Variants in C1orf94 observed in about 807,000 individuals in gnomAD.
The protein encoded by C1orf94 is uncharacterized protein C1orf94.
A neutral mutation model predicts 53.6 loss-of-function variants in C1orf94; 45 were observed. That is an observed-to-expected ratio of 0.84 (90% CI 0.66 to 1.08). The LOEUF is 1.08. Among genes scored for constraint, C1orf94 ranks in the 50% least tolerant of loss-of-function variants. The pLI, the probability that C1orf94 is intolerant of heterozygous loss-of-function variation, is 0.00. For missense variants in C1orf94, 762 were observed against 738.9 expected, an observed-to-expected ratio of 1.03 and a Z score of -0.36; for synonymous variants, 304 against 296.1, an observed-to-expected ratio of 1.03 and a Z score of -0.27.
rs1352695466 is a variant in C1orf94 at position 34,218,672 on chromosome 1, TCC to T, written c.1722-12_1722-11del. The T allele has an allele frequency of 1.9e-6, 3 of 1,609,634 alleles. No individual in the cohort carries two copies. The highest frequency in any genetic ancestry group is 2.5e-6 in the Non-Finnish European group (3 of 1,176,870). ...AGGAATCTCATCATGGCATCCACCC[TCC>T]CTCTCTTCCAGGTTCGGCTCGACAT... On this transcript the variant is annotated splice_polypyrimidine_tract_variant and intron_variant, in intron 6 of 6. Coordinates refer to ENST00000488417, the MANE Select transcript of C1orf94 (RefSeq NM_001134734.2).
At chr1:34,185,239 G>A (rs1438032396) in intron 1 of C1orf94, among the ~76,000 whole-genome samples, 2 of 152,048 alleles carry the variant, frequency 1.3e-5, no homozygotes, top group Non-Finnish European at 2.9e-5. Context: ...GAGTGCAGTG[G>A]CGCGATCTTG....
intron 5 of C1orf94, among the ~76,000 whole-genome samples, chr1:34,209,533 A>G (rs1642856636): frequency 2.6e-5 from 4 of 152,114 alleles, no homozygotes; most frequent in Non-Finnish European, 4.4e-5. Context: ...GCTCCTCCAC[A>G]CAAATGTGGA....
At chr1:34,183,509 G>A (rs1220217109) in intron 1 of C1orf94, among the ~76,000 whole-genome samples, 1 of 152,220 alleles carries the variant, frequency 6.6e-6, no homozygotes, top group Non-Finnish European at 1.5e-5. Flanking sequence ...TCCTCAAAGA[G>A]CTCCCAGTCT....
chr1:34,212,797 C>G (rs1325857465), intron 6 of C1orf94, among the ~76,000 whole-genome samples: 1 of 152,118 alleles, frequency 6.6e-6, no homozygotes, highest in African/African-American at 2.4e-5. Flanking sequence ...CTGTCCGCAC[C>G]CTGATCTCCT....
chr1:34,200,250 G>A lies in C1orf94; in HGVS notation c.1010-522G>A, dbSNP rs147525212. ...GTGTGACTCCTTCACTAAGCCATGT[G>A]CTCACTGAAGGCAGGAACTGTGTCC... On this transcript the variant is annotated intron_variant, in intron 2 of 6. Coordinates refer to ENST00000488417, the MANE Select transcript of C1orf94 (RefSeq NM_001134734.2). Among the ~76,000 whole-genome samples, 1,392 of 152,310 alleles carry A rather than the reference G, an allele frequency of 9.1e-3. 18 individuals are homozygous for A. The highest frequency in any genetic ancestry group is 0.027 in the South Asian group (132 of 4,828).
chr1:34,212,161 T>A, intron 5 of C1orf94, 49 bp from the exon 6 acceptor site: 2 of 1,484,602 alleles, frequency 1.3e-6, no homozygotes, highest in Non-Finnish European at 1.8e-6. Context: ...GGGGTTAGAG[T>A]TGGGCTGGGG....
intron 1 of C1orf94, among the ~76,000 whole-genome samples, chr1:34,184,325 G>A (rs994417134): frequency 6.6e-5 from 10 of 152,214 alleles, no homozygotes; most frequent in Admixed American, 6.5e-5. Context: ...TGGGAGTGAA[G>A]TGTAGCATGT....
At chr1:34,168,488 G>A (rs1351281111) in intron 1 of C1orf94, among the ~76,000 whole-genome samples, 4 of 152,090 alleles carry the variant, frequency 2.6e-5, no homozygotes, top group Admixed American at 6.6e-5. Flanking sequence ...GGATGGCGAG[G>A]AGTTTGCATT....
chr1:34,197,307 A>G lies in C1orf94; in HGVS notation c.403A>G (p.Ile135Val). The G allele has an allele frequency of 6.4e-7, 1 of 1,559,786 alleles. No individual in the cohort carries two copies. The highest frequency in any genetic ancestry group is 8.7e-7 in the Non-Finnish European group (1 of 1,151,396). Residue 135 changes from isoleucine (I) to valine (V), a missense_variant, in exon 2 of 7, where the codon ATC becomes GTC. Physicochemically the swap from Ile to Val is conservative, Grantham distance 29. Transcript: ENST00000488417. This position sits in a 1 kb window ranked among gnomAD's most constrained non-coding sequence, Gnocchi z 4.1. ...EFLSLTKEHS[I>V]LVEESSGELE... is the part of the protein sequence containing the mutation. Reference sequence around the variant, plus strand: ...CCTAAGCCTCACCAAAGAGCACTCGATCCTGGTCGAAGAGAGTTCTGGGGA... The same window carrying G: ...CCTAAGCCTCACCAAAGAGCACTCGGTCCTGGTCGAAGAGAGTTCTGGGGA...
Position 34,177,992 on chromosome 1 carries a change from A to G in C1orf94, c.203A>G (p.Glu68Gly). 2 of 1,551,730 alleles carry G rather than the reference A, an allele frequency of 1.3e-6. No individual in the cohort carries two copies. Among genetic ancestry groups the G allele is most frequent in the Non-Finnish European group, 1.7e-6 (2 of 1,147,006 alleles). ...GACAGCCTAGACAAGACTTGCCATG[A>G]AATCTGGAAGAGAGTTCAAGGCCTG... ...PQDSLDKTCH[E>G]IWKRVQGLPE... The change falls in exon 1 of 7, where the codon GAA (glutamate) becomes GGA (glycine). Residue 68 changes from glutamate (E) to glycine (G), a missense_variant. Glu to Gly is a moderately conservative substitution (Grantham distance 98). Coordinates refer to ENST00000488417, the MANE Select transcript of C1orf94 (RefSeq NM_001134734.2).
chr1:34,186,211 C>G (rs1642382995), intron 1 of C1orf94, among the ~76,000 whole-genome samples: 1 of 152,208 alleles, frequency 6.6e-6, no homozygotes, highest in Non-Finnish European at 1.5e-5. Context: ...AGCACACTTT[C>G]TAGCTGTAAG....
At chr1:34,198,394 A>G (rs572859639) in intron 2 of C1orf94, among the ~76,000 whole-genome samples, 1 of 152,266 alleles carries the variant, frequency 6.6e-6, no homozygotes, top group Non-Finnish European at 1.5e-5. Context: ...TATTGGGTAG[A>G]TGCGTAAATT....
chr1:34,185,400 G>A (rs1041891270), intron 1 of C1orf94, among the ~76,000 whole-genome samples: 3 of 152,060 alleles, frequency 2.0e-5, no homozygotes, highest in East Asian at 1.9e-4. Context: ...GTCTGGTCTC[G>A]GACTCCTGAT....
In C1orf94 at chr1:34,199,250, G is replaced by A. The variant is rs114316779; in HGVS notation, c.1009+1337G>A. Among the ~76,000 whole-genome samples the A allele has an allele frequency of 6.1e-3, 929 of 152,290 alleles. 4 individuals are homozygous for A. Among genetic ancestry groups the A allele is most frequent in the Middle Eastern group, 0.024 (7 of 294 alleles). ...CCCAGACCTGGGACGAGGGAGCTTC[G>A]TAGATGTTTAAGGCATCTGTAAATA... On this transcript the variant is annotated intron_variant, in intron 2 of 6. Coordinates refer to ENST00000488417, the MANE Select transcript of C1orf94 (RefSeq NM_001134734.2).
intron 1 of C1orf94, among the ~76,000 whole-genome samples, chr1:34,196,249 A>T (rs999257569): frequency 3.3e-5 from 5 of 152,172 alleles, no homozygotes; most frequent in African/African-American, 1.2e-4. Flanking sequence ...AGTGGCAACG[A>T]GGAGCCTAAA....
chr1:34,211,755 T>C (rs772314563), intron 5 of C1orf94, among the ~76,000 whole-genome samples: 6 of 152,150 alleles, frequency 3.9e-5, no homozygotes, highest in Admixed American at 6.5e-5. Flanking sequence ...TTGCAATCTG[T>C]TGAAAGGCTC....
intron 2 of C1orf94, among the ~76,000 whole-genome samples, chr1:34,199,036 C>T (rs767644616): frequency 4.8e-5 from 6 of 124,976 alleles, no homozygotes; most frequent in South Asian, 2.8e-4. Context: ...TCTGTGTGTA[C>T]GAATGTGTGA....
At chr1:34,212,540 T>C in intron 6 of C1orf94, 134 bp downstream of exon 6, 1 of 918,708 alleles carries the variant, frequency 1.1e-6, no homozygotes, top group Non-Finnish European at 1.6e-6. Flanking sequence ...CCTGTACCTG[T>C]GGCTGGTGGT....
rs1042851146 is a variant in C1orf94, at chr1:34,200,684, G to T, written c.1010-88G>T. The T allele has an allele frequency of 1.2e-5, 19 of 1,546,702 alleles. No homozygotes were observed. In the Admixed American group the frequency reaches 3.5e-4, roughly 28 times the overall value. On this transcript the variant is annotated intron_variant, in intron 2 of 6. Coordinates refer to ENST00000488417, the MANE Select transcript of C1orf94 (RefSeq NM_001134734.2). ...CAAGCCTCAGGTGTGTGCTGCAGAG[G>T]ATTCATCATTTAGTCCACAAAAAGG...
Sources: allele counts gnomAD v4.1 joint callset (sites outside exome capture counted in the v4.1 genomes callset), GRCh38; gene constraint gnomAD v4.1.1; non-coding constraint Gnocchi (gnomAD v3.1); transcripts MANE v1.5; gene names NCBI Gene and HGNC (gene_info 2026-07-23, HGNC 2026-07-21).